Variants in PPP2CB observed in about 807,000 individuals in gnomAD.
PPP2CB encodes serine/threonine-protein phosphatase 2A catalytic subunit beta isoform.
Under a neutral mutation model 39.1 loss-of-function variants are expected in PPP2CB, and 18 were observed. The ratio of observed to expected loss-of-function variants is 0.46; its 90% CI spans 0.32 to 0.68. The LOEUF is 0.68. Ranked by LOEUF, PPP2CB falls within the 30% of genes least tolerant of loss-of-function variation. The pLI is 0.04. For synonymous variants in PPP2CB, 129 were observed against 133.8 expected (o/e 0.96, Z 0.25); for missense variants, 226 against 396.9 (o/e 0.57, Z 3.66).
Position 30,794,296 on chromosome 8 carries a change from A to G in PPP2CB, c.487-15T>C, listed in dbSNP as rs372419643. On this transcript the variant is annotated splice_polypyrimidine_tract_variant and intron_variant, in intron 3 of 6. Coordinates refer to ENST00000221138, the MANE Select transcript of PPP2CB (RefSeq NM_001009552.2). The stretch of plus-strand genomic sequence containing the variant: ...AGGCAGAATATCTATGTATGAATTA[A>G]CAAAAGAGAATGTATTTGTTTTACT... 2.6e-5 allele frequency: 41 copies of G among 1,584,842 alleles called. No homozygotes were observed. Among genetic ancestry groups the G allele is most frequent in the African/African-American group, 2.3e-4 (17 of 74,346 alleles).
chr8:30,793,769 T>C, intron 5 of PPP2CB, 148 bp downstream of exon 5: 1 of 870,020 alleles, frequency 1.1e-6, no homozygotes, highest in Non-Finnish European at 1.7e-6. Flanking sequence ...CTACTAGTGC[T>C]TTCCCTACTT....
At chr8:30,797,309 TATA>T (rs1488654161) in intron 3 of PPP2CB, among the ~76,000 whole-genome samples, 3 of 152,238 alleles carry the variant, frequency 2.0e-5, no homozygotes, top group Non-Finnish European at 4.4e-5. Flanking sequence ...AACATTTATT[TATA>T]ATGTTTATCG....
intron 1 of PPP2CB, among the ~76,000 whole-genome samples, chr8:30,807,641 T>C (rs1458903156): frequency 6.6e-6 from 1 of 152,250 alleles, no homozygotes; most frequent in Non-Finnish European, 1.5e-5. Context: ...GGTTCTTCAG[T>C]TATAAAATTT....
chr8:30,795,102 TTTTC>T (rs1273538842), intron 3 of PPP2CB, among the ~76,000 whole-genome samples: 1 of 151,958 alleles, frequency 6.6e-6, no homozygotes, highest in South Asian at 2.1e-4. Context: ...TTAACAAGCA[TTTTC>T]TTTCTGATTT....
intron 1 of PPP2CB, among the ~76,000 whole-genome samples, chr8:30,803,156 T>C (rs1417205773): frequency 2.6e-5 from 4 of 152,226 alleles, no homozygotes; most frequent in African/African-American, 9.6e-5. Flanking sequence ...TATAGGTATA[T>C]TTAAGATTAT....
intron 1 of PPP2CB, among the ~76,000 whole-genome samples, chr8:30,806,091 A>C (rs908743915): frequency 1.4e-5 from 2 of 143,274 alleles, no homozygotes; most frequent in Admixed American, 7.3e-5. Flanking sequence ...TCTGTCACCC[A>C]GGCTGGAATG....
chr8:30,786,390 G>T, intron 6 of PPP2CB, 83 bp from the exon 7 acceptor site: 3 of 1,144,308 alleles, frequency 2.6e-6, no homozygotes, highest in Non-Finnish European at 3.8e-6. Flanking sequence ...CACTGTAGTA[G>T]AAACAGCAGT....
chr8:30,808,123 C>T (rs962073065), intron 1 of PPP2CB, among the ~76,000 whole-genome samples: 1 of 152,012 alleles, frequency 6.6e-6, no homozygotes, highest in South Asian at 2.1e-4. Context: ...TTTTTGGAGA[C>T]AGAGTCTCAC....
At position 30,785,871 on chromosome 8, in the gene PPP2CB, C is replaced by T. The variant is rs771663885; in HGVS notation, c.*364G>A. On this transcript the variant is annotated 3_prime_UTR_variant, in exon 7 of 7. Coordinates refer to ENST00000221138, the MANE Select transcript of PPP2CB (RefSeq NM_001009552.2). ...TTGTGAATTTTTCTTAAAAATAAAA[C>T]TCCAACTCTATTAATCCATGCCAGT... 211 of 357,160 alleles carry T rather than the reference C, an allele frequency of 5.9e-4. No individual in the cohort carries two copies. Among genetic ancestry groups the T allele is most frequent in the Non-Finnish European group, 3.3e-4 (61 of 182,208 alleles). The allele number at this position is 357,160 out of a possible 1,614,324, so 22.1% of individuals were successfully genotyped here.
chr8:30,807,922 T>C (rs757537217), intron 1 of PPP2CB, among the ~76,000 whole-genome samples: 2 of 152,248 alleles, frequency 1.3e-5, no homozygotes, highest in Non-Finnish European at 2.9e-5. Flanking sequence ...CTTGCTATTT[T>C]ATGCAAACAA....
chr8:30,800,376 A>C (rs1331937678), intron 1 of PPP2CB, among the ~76,000 whole-genome samples: 1 of 152,256 alleles, frequency 6.6e-6, no homozygotes, highest in Non-Finnish European at 1.5e-5. Flanking sequence ...TAAAAAGAAT[A>C]ATCTTATTAT....
At chr8:30,807,102 C>T (rs935658529) in intron 1 of PPP2CB, among the ~76,000 whole-genome samples, 2 of 152,104 alleles carry the variant, frequency 1.3e-5, no homozygotes, top group South Asian at 4.1e-4. Context: ...TGGGTCTTGA[C>T]CCTCTATTTC....
chr8:30,805,900 A>C (rs1563217462), intron 1 of PPP2CB, among the ~76,000 whole-genome samples: 1 of 152,212 alleles, frequency 6.6e-6, no homozygotes, highest in African/African-American at 2.4e-5. Context: ...GTCAAAAAAC[A>C]GTTTACAAGG....
intron 1 of PPP2CB, among the ~76,000 whole-genome samples, chr8:30,804,507 T>C (rs551036916): frequency 1.3e-5 from 2 of 152,322 alleles, no homozygotes; most frequent in East Asian, 1.9e-4. Context: ...TACTCTGCCC[T>C]TATGAGTCTT....
At chr8:30,801,459 G>A (rs1310819364) in intron 1 of PPP2CB, among the ~76,000 whole-genome samples, 4 of 151,972 alleles carry the variant, frequency 2.6e-5, no homozygotes, top group African/African-American at 9.7e-5. Flanking sequence ...ACATGAACCT[G>A]GGAGGCGGAG....
intron 5 of PPP2CB, among the ~76,000 whole-genome samples, chr8:30,792,109 T>G (rs1806447650): frequency 6.6e-6 from 1 of 151,900 alleles, no homozygotes; most frequent in Non-Finnish European, 1.5e-5. Context: ...CAGGCTGGAG[T>G]GCAGTGGTGC....
chr8:30,794,322 A>G, intron 3 of PPP2CB, 41 bp from the exon 4 acceptor site: 1 of 1,486,970 alleles, frequency 6.7e-7, no homozygotes, highest in Non-Finnish European at 9.4e-7. Flanking sequence ...TTGTTTTACT[A>G]ACTCCAAACA....
intron 1 of PPP2CB, among the ~76,000 whole-genome samples, chr8:30,801,306 G>A (rs921291993): frequency 2.0e-5 from 3 of 152,170 alleles, no homozygotes; most frequent in South Asian, 2.1e-4. Flanking sequence ...GCTGAGGCAG[G>A]TGGATCACGA....
At chr8:30,794,330 A>G in intron 3 of PPP2CB, 49 bp from the exon 4 acceptor site, 13 of 1,443,808 alleles carry the variant, frequency 9.0e-6, no homozygotes, top group Non-Finnish European at 1.3e-5. Flanking sequence ...CTAACTCCAA[A>G]CAGTTAACAA....
Sources: allele counts gnomAD v4.1 joint callset (sites outside exome capture counted in the v4.1 genomes callset), GRCh38; gene constraint gnomAD v4.1.1; transcripts MANE v1.5; gene names NCBI Gene and HGNC (gene_info 2026-07-23, HGNC 2026-07-21).